Variants in EPB41L4A observed in about 807,000 individuals in gnomAD.
EPB41L4A encodes the protein band 4.1-like protein 4A.
EPB41L4A carries 100 observed loss-of-function variants against 108.6 expected under a neutral mutation model. The ratio of observed to expected loss-of-function variants is 0.92; its 90% confidence interval spans 0.78 to 1.09. EPB41L4A has a LOEUF of 1.09. Among genes scored for constraint, EPB41L4A ranks in the 50% least tolerant of loss-of-function variants. The pLI is 0.00. For missense variants in EPB41L4A, 1,030 were observed against 842.7 expected (o/e 1.22, Z -2.75); for synonymous variants, 319 against 289.0 (o/e 1.10, Z -1.05).
intron 12 of EPB41L4A, among the ~76,000 whole-genome samples, chr5:112,221,628 T>G (rs1302928770): frequency 1.3e-5 from 2 of 152,232 alleles, no homozygotes; most frequent in East Asian, 3.8e-4. Flanking sequence ...GTATATGACT[T>G]AGTTCCTACA....
chr5:112,240,626 T>A (rs1055016043), intron 10 of EPB41L4A, 93 bp downstream of exon 10: 1 of 685,090 alleles, frequency 1.5e-6, no homozygotes, highest in African/African-American at 1.9e-5. Flanking sequence ...GGGAAACAAT[T>A]CCAAATTTCT....
At chr5:112,300,597 A>T (rs1035629961) in intron 2 of EPB41L4A, among the ~76,000 whole-genome samples, 4 of 152,124 alleles carry the variant, frequency 2.6e-5, no homozygotes, top group African/African-American at 4.8e-5. Context: ...CCTCATCTTA[A>T]CTTTAGCTAA....
At position 112,300,815 on chromosome 5, in the gene EPB41L4A, A is replaced by G. The variant is rs533730000; in HGVS notation, c.204+6571T>C. On this transcript the variant is annotated intron_variant, in intron 2 of 22. Coordinates refer to ENST00000261486, the MANE Select transcript of EPB41L4A (RefSeq NM_022140.5). ...ATTTGGTCACTTAATGTAATCTCAC[A>G]TTTCTTGGAGGTTTTGTTCATTTTT... 4.4e-4 allele frequency among the ~76,000 whole-genome samples: 67 copies of G among 152,038 alleles called. 1 individual carries two copies. Among genetic ancestry groups the G allele is most frequent in the Non-Finnish European group, 5.6e-4 (38 of 67,950 alleles).
intron 17 of EPB41L4A, among the ~76,000 whole-genome samples, chr5:112,185,323 T>C (rs1296403469): frequency 3.9e-5 from 6 of 152,202 alleles, no homozygotes; most frequent in Admixed American, 2.6e-4. Context: ...TGAACAGATG[T>C]CTTTTGGTTC....
chr5:112,143,270 T>G (rs1474722418), exon 14 of EPB41L4A: 1 of 152,176 alleles, frequency 6.6e-6, no homozygotes, highest in African/African-American at 2.4e-5. Context: ...TATAGCAAAC[T>G]GATACAGGTA....
intron 1 of EPB41L4A, among the ~76,000 whole-genome samples, chr5:112,317,846 T>C (rs374202106): frequency 1.3e-5 from 2 of 152,170 alleles, no homozygotes; most frequent in East Asian, 1.9e-4. Context: ...ATTTCAAAAA[T>C]CTCTCCACTT....
intron 1 of EPB41L4A, among the ~76,000 whole-genome samples, chr5:112,392,086 G>A (rs935889220): frequency 1.4e-4 from 21 of 152,242 alleles, no homozygotes; most frequent in African/African-American, 5.1e-4. Flanking sequence ...ACTAAACATG[G>A]AAAGGAACAA....
At chr5:112,313,618 T>G (rs1207443316) in intron 1 of EPB41L4A, among the ~76,000 whole-genome samples, 1 of 152,024 alleles carries the variant, frequency 6.6e-6, no homozygotes, top group African/African-American at 2.4e-5. Flanking sequence ...TTTTGTGCCT[T>G]GGACTAGCAA....
intron 1 of EPB41L4A, among the ~76,000 whole-genome samples, chr5:112,356,333 G>A (rs1422085368): frequency 6.6e-6 from 1 of 152,110 alleles, no homozygotes; most frequent in Non-Finnish European, 1.5e-5. Context: ...TGATACTTAA[G>A]GGTGGTAACT....
intron 7 of EPB41L4A, among the ~76,000 whole-genome samples, chr5:112,261,885 A>AT (rs35793398): frequency 0.18 from 20,584 of 112,410 alleles, 2,261 homozygotes; most frequent in Non-Finnish European, 0.22. Context: ...TTACACACCA[A>AT]TTTTTTTTTT....
intron 11 of EPB41L4A, among the ~76,000 whole-genome samples, chr5:112,237,410 CA>C (rs1351553406): frequency 1.3e-5 from 2 of 152,110 alleles, no homozygotes; most frequent in African/African-American, 4.8e-5. Flanking sequence ...CCTTAAAATG[CA>C]AGACAGAGTA....
chr5:112,319,820 C>A (rs557358709), intron 1 of EPB41L4A, among the ~76,000 whole-genome samples: 1 of 152,158 alleles, frequency 6.6e-6, no homozygotes, highest in Non-Finnish European at 1.5e-5. Flanking sequence ...GATGAGTGTG[C>A]TTTGCCTCCT....
At chr5:112,145,554 T>C (rs1759220122) in intron 13 of EPB41L4A, among the ~76,000 whole-genome samples, 1 of 152,254 alleles carries the variant, frequency 6.6e-6, no homozygotes, top group Non-Finnish European at 1.5e-5. Flanking sequence ...TTCTTCAGAT[T>C]TGTCACAGCT....
intron 18 of EPB41L4A, among the ~76,000 whole-genome samples, chr5:112,171,924 C>A (rs1561447374): frequency 7.4e-6 from 1 of 135,530 alleles, no homozygotes; most frequent in Non-Finnish European, 1.5e-5. Flanking sequence ...ATTTGGGGGG[C>A]TCAATAATGC....
At chr5:112,384,208 A>C (rs1760350648) in intron 1 of EPB41L4A, among the ~76,000 whole-genome samples, 1 of 152,204 alleles carries the variant, frequency 6.6e-6, no homozygotes, top group Admixed American at 6.5e-5. Context: ...GAATATACCA[A>C]AAAACACTAA....
chr5:112,301,264 C>T (rs1459240750), intron 2 of EPB41L4A, among the ~76,000 whole-genome samples: 1 of 152,158 alleles, frequency 6.6e-6, no homozygotes, highest in Non-Finnish European at 1.5e-5. Context: ...CTGGTTCCTT[C>T]TCCTTTGAGT....
intron 1 of EPB41L4A, among the ~76,000 whole-genome samples, chr5:112,403,633 A>G (rs188514008): frequency 6.6e-6 from 1 of 152,020 alleles, no homozygotes; most frequent in Admixed American, 6.6e-5. Flanking sequence ...CATGCTGGCT[A>G]ATTACTTTTA....
At chr5:112,287,398 A>G (rs565937011) in intron 2 of EPB41L4A, among the ~76,000 whole-genome samples, 3 of 152,328 alleles carry the variant, frequency 2.0e-5, no homozygotes, top group Non-Finnish European at 4.4e-5. Context: ...TGTTGGCTCT[A>G]TGTTCAAAAT....
chr5:112,146,163 T>G (rs1759247806), intron 12 of EPB41L4A, among the ~76,000 whole-genome samples: 1 of 152,178 alleles, frequency 6.6e-6, no homozygotes, highest in African/African-American at 2.4e-5. Context: ...AAATTACTAC[T>G]CCCCCTTTTT....
Sources: allele counts gnomAD v4.1 joint callset (sites outside exome capture counted in the v4.1 genomes callset), GRCh38; gene constraint gnomAD v4.1.1; transcripts MANE v1.5; gene names NCBI Gene and HGNC (gene_info 2026-07-23, HGNC 2026-07-21).